KL: variants seen among roughly 807,000 people sequenced by gnomAD.
KL encodes alpha-klotho.
In KL, 62 loss-of-function variants were observed where a neutral mutation model predicts 84.2. The ratio of observed to expected loss-of-function variants is 0.74; its 90% CI spans 0.60 to 0.91. The LOEUF is 0.91. Among genes scored for constraint, KL ranks in the 40% least tolerant of loss-of-function variants. The probability of loss-of-function intolerance (pLI) is 0.00; values close to 1 mark genes in which losing one functional copy is unlikely to be tolerated. For synonymous variants in KL, 528 were observed against 528.0 expected (o/e 1.00, Z 0.00); for missense variants, 1,261 against 1,305.7 (o/e 0.97, Z 0.53).
In KL at chr13:33,038,154, A is replaced by G. The variant is rs568759806; in HGVS notation, c.820-15613A>G. Among the ~76,000 whole-genome samples, 53 of 152,344 alleles carry G rather than the reference A, an allele frequency of 3.5e-4. No homozygotes were observed. In the South Asian group the frequency reaches 9.3e-3, roughly 27 times the overall value. ...CTGTCTCAGAAATTTATGCTAATCT[A>G]TTGTGACCTATTCTGTCAAATCCAA... On this transcript the variant is annotated intron_variant, in intron 1 of 4. Coordinates refer to ENST00000380099, the MANE Select transcript of KL (RefSeq NM_004795.4).
Position 33,016,713 on chromosome 13 carries a change from T to C in KL, c.273T>C (p.Asp91=), listed in dbSNP as rs2772364. The change falls in exon 1 of 5, where the codon GAT becomes GAC. Residue 91 remains aspartate, a synonymous_variant. Coordinates refer to ENST00000380099, the MANE Select transcript of KL (RefSeq NM_004795.4). ...QQHGKGASIW[D]TFTHHPLAPP... ...ACGGCAAGGGTGCGTCCATCTGGGA[T>C]ACGTTCACCCACCACCCCCTGGCAC... The C allele has an allele frequency of 0.99, 1,594,934 of 1,610,264 alleles. 790,987 individuals carry two copies. The highest frequency in any genetic ancestry group is 1 in the East Asian group (44,694 of 44,694).
intron 1 of KL, among the ~76,000 whole-genome samples, chr13:33,043,360 CAG>C (rs1871406467): frequency 6.6e-6 from 1 of 151,890 alleles, no homozygotes; most frequent in South Asian, 2.1e-4. Flanking sequence ...GCTGGGACTA[CAG>C]AGGCGTGCCA....
intron 4 of KL, among the ~76,000 whole-genome samples, chr13:33,063,479 C>T (rs571295296): frequency 6.6e-6 from 1 of 152,118 alleles, no homozygotes; most frequent in South Asian, 2.1e-4. Context: ...AGCAGGAAGG[C>T]TACGTAAAAG....
intron 1 of KL, among the ~76,000 whole-genome samples, chr13:33,050,574 T>C (rs1345360713): frequency 6.6e-6 from 1 of 152,106 alleles, no homozygotes; most frequent in Non-Finnish European, 1.5e-5. Context: ...GTAAATGATA[T>C]TAGAGAAGTA....
chr13:33,021,443 G>A (rs1870571074), intron 1 of KL, among the ~76,000 whole-genome samples: 1 of 152,164 alleles, frequency 6.6e-6, no homozygotes, highest in East Asian at 1.9e-4. Context: ...GCCAGCTTTA[G>A]GAGTATATAT....
chr13:33,061,131 G>A lies in KL; in HGVS notation c.2052G>A (p.Trp684Ter). The change falls in exon 4 of 5, where the codon TGG (tryptophan) becomes TGA (stop). Residue 684 changes from tryptophan (W) to a stop codon, truncating the protein, a stop_gained. Coordinates refer to ENST00000380099, the MANE Select transcript of KL (RefSeq NM_004795.4). LOFTEE classifies it high-confidence loss of function. The stretch of plus-strand genomic sequence containing the variant: ...AGCTCGGCCATCACGTCAAGCTTTG[G>A]ATAACGATGAATGAGCCGTATACAA... ...FQELGHHVKL[W>*]ITMNEPYTRN... 6.2e-7 allele frequency: 1 copy of A among 1,614,208 alleles called. No homozygotes were observed. Among genetic ancestry groups the A allele is most frequent in the Non-Finnish European group, 8.5e-7 (1 of 1,180,032 alleles).
Position 33,055,063 on chromosome 13 carries a change from G to A in KL, c.1347G>A (p.Gly449=). ...METLKAIKLD[G]VDVIGYTAWS... ...CCTTTGCAGCCATCAAGCTGGATGG[G>A]GTGGATGTCATCGGGTATACCGCAT... is the stretch of plus-strand genomic sequence containing the variant. Residue 449 remains glycine (G), a synonymous_variant, in exon 3 of 5, where the codon GGG becomes GGA. Transcript: ENST00000380099. The A allele has an allele frequency of 6.2e-7, 1 of 1,614,160 alleles. No individual in the cohort carries two copies.
rs1393527681 is a variant in KL at position 33,054,902 on chromosome 13, TC to T, written c.1331-144del. 32 of 1,056,866 alleles carry T rather than the reference TC, an allele frequency of 3.0e-5. No individual in the cohort carries two copies. The South Asian group carries it at 3.7e-4, about 12-fold the overall frequency. The allele number at this position is 1,056,866 out of a possible 1,614,324, so 65.5% of individuals were successfully genotyped here. On this transcript the variant is annotated intron_variant, in intron 2 of 4. Transcript: ENST00000380099. The stretch of plus-strand genomic sequence containing the variant: ...GTTATATAGGTTTGATTAGAGTCTT[TC>T]GTCAAGAAGAAAAATCATTGGCTTA...
chr13:33,036,161 A>G (rs1289459484), intron 1 of KL, among the ~76,000 whole-genome samples: 1 of 152,176 alleles, frequency 6.6e-6, no homozygotes, highest in Non-Finnish European at 1.5e-5. Context: ...GTATTAAGGA[A>G]CTCTATATTT....
chr13:33,052,721 C>A (rs1226252407), intron 1 of KL, among the ~76,000 whole-genome samples: 1 of 151,788 alleles, frequency 6.6e-6, no homozygotes, highest in Non-Finnish European at 1.5e-5. Context: ...TTCTGCAGGC[C>A]CAGGGAGTGG....
In KL at chr13:33,060,573, C is replaced by T. The variant is rs891091936; in HGVS notation, c.1600-106C>T. 10 of 1,236,016 alleles carry T rather than the reference C, an allele frequency of 8.1e-6. No individual in the cohort carries two copies. The African/African-American group carries it at 1.5e-4, about 18-fold the overall frequency. 76.6% of individuals were successfully genotyped at this position (1,236,016 alleles called of 1,614,324 possible). ...TAGTTCACATTCTCAGCTAGAAAGG[C>T]TTCTATTTTTGCTCATATTCCTGGC... On this transcript the variant is annotated intron_variant, in intron 3 of 4. Coordinates refer to ENST00000380099, the MANE Select transcript of KL (RefSeq NM_004795.4).
At chr13:33,063,500 T>C (rs1872287550) in intron 4 of KL, among the ~76,000 whole-genome samples, 2 of 152,012 alleles carry the variant, frequency 1.3e-5, no homozygotes, top group Admixed American at 6.5e-5. Context: ...TGGCCGGGCG[T>C]GGTGACTCAC....
intron 1 of KL, among the ~76,000 whole-genome samples, chr13:33,048,290 C>A (rs906383666): frequency 2.0e-5 from 3 of 152,120 alleles, no homozygotes; most frequent in African/African-American, 7.2e-5. Context: ...AGTTAAATTA[C>A]CAGATTTACT....
At chr13:33,030,316 A>G (rs537313) in intron 1 of KL, among the ~76,000 whole-genome samples, 47,676 of 152,056 alleles carry the variant, frequency 0.31, 8,727 homozygotes, top group Admixed American at 0.43. Context: ...TTCTGAGCTA[A>G]GTTTGGTAAA....
At position 33,016,454 on chromosome 13, in the gene KL, C is replaced by T. The variant is rs1870329262; in HGVS notation, c.14C>T (p.Ala5Val). The change falls in exon 1 of 5, where the codon GCC becomes GTC. Residue 5 changes from alanine (A) to valine (V), a missense_variant. By Grantham distance (64) the Ala-to-Val change is moderately conservative. Transcript: ENST00000380099. ...CTCCCGCGCAGCATGCCCGCCAGCGCCCCGCCGCGCCGCCCGCGGCCGCCG... is the reference window on the plus strand; with the variant it reads ...CTCCCGCGCAGCATGCCCGCCAGCGTCCCGCCGCGCCGCCCGCGGCCGCCG... MPAS[A>V]PPRRPRPPPP... 1.0e-6 allele frequency: 1 copy of T among 964,174 alleles called. No homozygotes were observed. The highest frequency in any genetic ancestry group is 1.1e-4 in the East Asian group (1 of 8,708). 59.7% of individuals were successfully genotyped at this position (964,174 alleles called of 1,614,324 possible).
chr13:33,060,737 A>G lies in KL; in HGVS notation c.1658A>G (p.His553Arg). ...DLNVYLWDVH[H>R]SKRLIKVDGV... ...AATGTTTACCTGTGGGATGTCCACC[A>G]CAGTAAAAGGCTTATTAAAGTGGAT... Residue 553 changes from histidine to arginine, a missense_variant, in exon 4 of 5, where the codon CAC becomes CGC. Transcript: ENST00000380099. The G allele has an allele frequency of 6.2e-7, 1 of 1,614,218 alleles. No individual in the cohort carries two copies. Among genetic ancestry groups the G allele is most frequent in the Non-Finnish European group, 8.5e-7 (1 of 1,180,034 alleles).
intron 1 of KL, among the ~76,000 whole-genome samples, chr13:33,018,793 CT>C (rs1418088863): frequency 6.6e-6 from 1 of 152,130 alleles, no homozygotes; most frequent in African/African-American, 2.4e-5. Flanking sequence ...AAAATCTTTA[CT>C]TTAGATTTAA....
chr13:33,035,874 G>A (rs1871133086), intron 1 of KL, among the ~76,000 whole-genome samples: 1 of 152,176 alleles, frequency 6.6e-6, no homozygotes, highest in South Asian at 2.1e-4. Context: ...AATTAATGAA[G>A]CAAGAAGCTC....
chr13:33,032,883 A>C (rs966214902), intron 1 of KL, among the ~76,000 whole-genome samples: 1 of 152,166 alleles, frequency 6.6e-6, no homozygotes, highest in East Asian at 1.9e-4. Context: ...TACCTCCTAC[A>C]GGAAGACTTC....
Sources: gnomAD v4.1 joint callset for allele counts (sites outside exome capture counted in the v4.1 genomes callset) on GRCh38, gnomAD v4.1.1 for gene constraint, MANE v1.5 for transcripts, NCBI Gene and HGNC (gene_info 2026-07-23, HGNC 2026-07-21) for gene names.